Variants in PTPN12 observed in about 807,000 individuals in gnomAD.
PTPN12 encodes the protein tyrosine-protein phosphatase non-receptor type 12.
A neutral mutation model predicts 97.6 loss-of-function variants in PTPN12; 29 were observed. That is an observed-to-expected ratio of 0.30 (90% CI 0.22 to 0.41). The LOEUF is 0.41. PTPN12 is among the 10% of genes least tolerant of loss of function. The pLI is 1.00. For missense variants in PTPN12, 819 were observed against 926.0 expected, an observed-to-expected ratio of 0.88 and a Z score of 1.50; for synonymous variants, 327 against 300.4, an observed-to-expected ratio of 1.09 and a Z score of -0.91.
intron 1 of PTPN12, chr7:77,563,975 T>C (rs759280834): frequency 8.3e-5 from 36 of 433,040 alleles, no homozygotes; most frequent in Middle Eastern, 9.1e-4. Context: ...AGTGGTGTGA[T>C]CTCGGCTCAC....
intron 2 of PTPN12, among the ~76,000 whole-genome samples, chr7:77,575,996 C>T (rs956568879): frequency 4.6e-5 from 7 of 151,954 alleles, no homozygotes; most frequent in Non-Finnish European, 7.4e-5. Flanking sequence ...GGATTATAGG[C>T]GCACATCACC....
At chr7:77,549,270 A>G (rs975504943) in intron 1 of PTPN12, among the ~76,000 whole-genome samples, 21 of 152,176 alleles carry the variant, frequency 1.4e-4, no homozygotes, top group African/African-American at 5.1e-4. Flanking sequence ...AAATTGAAAA[A>G]AAATTTACTA....
At chr7:77,633,738 G>A (rs1789485576) in intron 14 of PTPN12, among the ~76,000 whole-genome samples, 1 of 152,036 alleles carries the variant, frequency 6.6e-6, no homozygotes, top group South Asian at 2.1e-4. Context: ...CACCACTGGA[G>A]TAGACTGAGC....
At chr7:77,593,458 TC>T (rs1374722268) in intron 6 of PTPN12, among the ~76,000 whole-genome samples, 2 of 152,120 alleles carry the variant, frequency 1.3e-5, no homozygotes, top group East Asian at 3.9e-4. Context: ...AGGCTGGAGA[TC>T]CTGGAGAGCC....
chr7:77,619,325 A>T (rs1194262404), intron 12 of PTPN12, among the ~76,000 whole-genome samples: 1 of 152,162 alleles, frequency 6.6e-6, no homozygotes, highest in Non-Finnish European at 1.5e-5. Flanking sequence ...CCATCTTAAA[A>T]CTTTGGGGAA....
At chr7:77,537,759 G>C in intron 1 of PTPN12, 114 bp downstream of exon 1, 1 of 1,161,062 alleles carries the variant, frequency 8.6e-7, no homozygotes, top group Non-Finnish European at 1.1e-6. Context: ...GGGCGGAGGG[G>C]GCGCGCACCA....
Position 77,639,516 on chromosome 7 carries a change from C to T in PTPN12, c.*236C>T, listed in dbSNP as rs938539552. 1.1e-5 allele frequency: 5 copies of T among 456,582 alleles called. No individual in the cohort carries two copies. The Admixed American group carries it at 1.2e-4, about 11-fold the overall frequency. 28.3% of individuals were successfully genotyped at this position (456,582 alleles called of 1,614,324 possible). ...CTTAATGTCTCTTAACCCTGTTACA[C>T]GCTGCTTGTAGACATGTTAATATAG... is the stretch of plus-strand genomic sequence containing the variant. On this transcript the variant is annotated 3_prime_UTR_variant, in exon 18 of 18. Coordinates refer to ENST00000248594, the MANE Select transcript of PTPN12 (RefSeq NM_002835.4).
In PTPN12 at chr7:77,537,450, G is replaced by C; in HGVS notation, c.-97G>C. ...CTTGGCGGGGTCGGGAGGGAGGGAC[G>C]TGCTGGGGGAACGAGCTGGGGAAGA... On this transcript the variant is annotated 5_prime_UTR_variant, in exon 1 of 18. Coordinates refer to ENST00000248594, the MANE Select transcript of PTPN12 (RefSeq NM_002835.4). 1 of 1,432,250 alleles carries C rather than the reference G, an allele frequency of 7.0e-7. No individual in the cohort carries two copies. The allele number at this position is 1,432,250 out of a possible 1,614,324, so 88.7% of individuals were successfully genotyped here.
intron 11 of PTPN12, 59 bp from the exon 12 acceptor site, chr7:77,618,421 C>T (rs1788824557): frequency 8.8e-7 from 1 of 1,134,704 alleles, no homozygotes; most frequent in Non-Finnish European, 1.3e-6. Flanking sequence ...TTAGTTGAAA[C>T]ATGAAGAGGA....
intron 9 of PTPN12, among the ~76,000 whole-genome samples, chr7:77,609,880 C>CAA (rs377678673): frequency 0.014 from 1,615 of 112,812 alleles, 11 homozygotes; most frequent in Middle Eastern, 0.032. Context: ...GACTCCGTCT[C>CAA]AAAAAAAAAA....
intron 7 of PTPN12, among the ~76,000 whole-genome samples, chr7:77,599,748 A>C (rs143156279): frequency 2.9e-4 from 44 of 152,324 alleles, no homozygotes; most frequent in African/African-American, 9.6e-4. Flanking sequence ...AAGAAGTTAA[A>C]TAGCTTACCT....
At chr7:77,607,112 A>C (rs1217849770) in intron 8 of PTPN12, 123 bp from the exon 9 acceptor site, 4 of 695,052 alleles carry the variant, frequency 5.8e-6, no homozygotes, top group African/African-American at 3.7e-5. Context: ...TTTATTACTA[A>C]GTAGAATTTT....
chr7:77,593,336 A>T (rs1787925672), intron 6 of PTPN12, among the ~76,000 whole-genome samples: 1 of 152,146 alleles, frequency 6.6e-6, no homozygotes, highest in Non-Finnish European at 1.5e-5. Context: ...AACCAATAGA[A>T]TAAGAGTGTG....
chr7:77,547,396 T>C (rs918406925), intron 1 of PTPN12, among the ~76,000 whole-genome samples: 8 of 152,160 alleles, frequency 5.3e-5, no homozygotes, highest in Non-Finnish European at 7.4e-5. Flanking sequence ...ATAATATTTT[T>C]TGTGTGTAAG....
chr7:77,559,602 AT>A (rs1247541469), intron 1 of PTPN12, among the ~76,000 whole-genome samples: 4 of 152,244 alleles, frequency 2.6e-5, no homozygotes, highest in Non-Finnish European at 1.5e-5. Flanking sequence ...TATTACCTTC[AT>A]ATGTCAATAG....
At chr7:77,625,095 A>G (rs1389006981) in intron 12 of PTPN12, among the ~76,000 whole-genome samples, 1 of 152,182 alleles carries the variant, frequency 6.6e-6, no homozygotes, top group Non-Finnish European at 1.5e-5. Context: ...AGATGGTGCC[A>G]CTGCACTCCA....
Position 77,537,337 on chromosome 7 carries a change from T to C in PTPN12, c.-210T>C. The C allele has an allele frequency of 1.9e-6, 1 of 537,718 alleles. No individual in the cohort carries two copies. 33.3% of individuals were successfully genotyped at this position (537,718 alleles called of 1,614,324 possible). A position where few individuals can be genotyped will look rare whatever the true frequency, so the allele number is the denominator to read the frequency against. ...CCTGGTACTGTGGGAGAGCGGCGGC[T>C]GCTCCTGGAAGTTGTGGTGTCGGGA... On this transcript the variant is annotated 5_prime_UTR_variant, in exon 1 of 18. Transcript: ENST00000248594.
At chr7:77,629,015 T>C (rs1334337790) in intron 13 of PTPN12, among the ~76,000 whole-genome samples, 2 of 152,162 alleles carry the variant, frequency 1.3e-5, no homozygotes, top group Non-Finnish European at 2.9e-5. Flanking sequence ...AGTGGCGCAA[T>C]CTTGGCTCAC....
At chr7:77,588,761 A>G (rs1409823693) in intron 5 of PTPN12, among the ~76,000 whole-genome samples, 1 of 152,214 alleles carries the variant, frequency 6.6e-6, no homozygotes. Context: ...CTAGAATGCT[A>G]TCTATGGACT....
Sources: allele counts gnomAD v4.1 joint callset (sites outside exome capture counted in the v4.1 genomes callset), GRCh38; gene constraint gnomAD v4.1.1; transcripts MANE v1.5; gene names NCBI Gene and HGNC (gene_info 2026-07-23, HGNC 2026-07-21).